Variants in JKAMP observed in about 807,000 individuals in gnomAD.
JKAMP encodes the protein JNK1/MAPK8-associated membrane protein.
Under a neutral mutation model 40.2 loss-of-function variants are expected in JKAMP, and 20 were observed. That is an observed-to-expected ratio of 0.50 (90% CI 0.35 to 0.72). The LOEUF is 0.72. JKAMP is among the 30% of genes least tolerant of loss of function. JKAMP has a pLI of 0.01. For missense variants in JKAMP, 276 were observed against 373.0 expected (o/e 0.74, Z 2.14); for synonymous variants, 138 against 131.6 (o/e 1.05, Z -0.33).
At position 59,505,349 on chromosome 14, in the gene JKAMP, T is replaced by C. The variant is rs1260956534; in HGVS notation, c.*1277T>C. ...ATAAAAAATAAATATAAAAATTTTA[T>C]TTGTATTGCACACATTTGGGGGGTT... On this transcript the variant is annotated 3_prime_UTR_variant, in exon 7 of 7. Coordinates refer to ENST00000616435, the MANE Select transcript of JKAMP (RefSeq NM_016475.5). The C allele has an allele frequency of 2.5e-6, 3 of 1,218,404 alleles. No homozygotes were observed. Among genetic ancestry groups the C allele is most frequent in the Non-Finnish European group, 3.4e-6 (3 of 887,166 alleles). 75.5% of individuals were successfully genotyped at this position (1,218,404 alleles called of 1,614,324 possible).
intron 1 of JKAMP, among the ~76,000 whole-genome samples, chr14:59,486,433 A>G (rs1261355676): frequency 6.6e-6 from 1 of 152,308 alleles, no homozygotes; most frequent in Admixed American, 6.5e-5. Flanking sequence ...TCCTCTAATC[A>G]TACCGGGTTA....
At chr14:59,489,683 T>C (rs1646702227) in intron 3 of JKAMP, among the ~76,000 whole-genome samples, 1 of 152,184 alleles carries the variant, frequency 6.6e-6, no homozygotes, top group African/African-American at 2.4e-5. Flanking sequence ...AAGGAATACC[T>C]GAGACTGGGT....
chr14:59,484,756 G>A (rs1594925762), intron 1 of JKAMP, 163 bp downstream of exon 1: 19 of 1,008,182 alleles, frequency 1.9e-5, no homozygotes, highest in South Asian at 3.1e-5. Flanking sequence ...CTCCTGCGGG[G>A]TTGGGGTGGT....
At chr14:59,502,755 T>TGTTTTTTTTTTTTTGTTTTTGTGTTTTG (rs67189643) in intron 6 of JKAMP, among the ~76,000 whole-genome samples, 2 of 122,918 alleles carry the variant, frequency 1.6e-5, no homozygotes, top group African/African-American at 3.0e-5. Flanking sequence ...ATGAGATTTT[T>TGTTTTTTTTTTTTTGTTTTTGTGTTTTG]TTTTTTTTTT....
At chr14:59,502,762 T>TGTTTTGTTTTTTTG (rs1566583989) in intron 6 of JKAMP, among the ~76,000 whole-genome samples, 4 of 133,616 alleles carry the variant, frequency 3.0e-5, no homozygotes, top group African/African-American at 5.7e-5. Flanking sequence ...TTTTTTTTTT[T>TGTTTTGTTTTTTTG]TTTTTTTTTT....
chr14:59,502,508 C>T (rs1258707219), intron 6 of JKAMP, among the ~76,000 whole-genome samples: 2 of 152,076 alleles, frequency 1.3e-5, no homozygotes, highest in Non-Finnish European at 2.9e-5. Context: ...GGGAAAACAT[C>T]TAGGAATCAT....
At chr14:59,494,233 G>C (rs959697702) in intron 3 of JKAMP, among the ~76,000 whole-genome samples, 2 of 151,084 alleles carry the variant, frequency 1.3e-5, no homozygotes, top group African/African-American at 2.5e-5. Context: ...TTAAAATTTA[G>C]AACATGTTTA....
In JKAMP at chr14:59,490,003, A is replaced by G. The variant is rs1252317139; in HGVS notation, c.251+2175A>G. On this transcript the variant is annotated intron_variant, in intron 3 of 6. Transcript: ENST00000616435. ...AGTGGTGTGATCACTGGTTACTGCA[A>G]CCTTGACTTCCTAGGCTCAAGTGAT... is the stretch of plus-strand genomic sequence containing the variant. 5.3e-5 allele frequency among the ~76,000 whole-genome samples: 8 copies of G among 152,236 alleles called. 1 individual carries two copies. The South Asian group carries it at 1.0e-3, about 20-fold the overall frequency.
intron 1 of JKAMP, chr14:59,485,331 A>T: frequency 4.7e-5 from 21 of 442,458 alleles, no homozygotes; most frequent in Admixed American, 1.3e-4. Context: ...TGTGATTACA[A>T]TTGGTTACAA....
At chr14:59,503,275 C>T (rs566603820) in intron 6 of JKAMP, among the ~76,000 whole-genome samples, 186 of 152,208 alleles carry the variant, frequency 1.2e-3, no homozygotes, top group Middle Eastern at 3.4e-3. Context: ...TTGCAAATTA[C>T]GTTTTAATGT....
At position 59,504,076 on chromosome 14, in the gene JKAMP, T is replaced by C. The variant is rs1309969083; in HGVS notation, c.*4T>C. The C allele has an allele frequency of 6.3e-7, 1 of 1,595,564 alleles. No homozygotes were observed. Among genetic ancestry groups the C allele is most frequent in the African/African-American group, 1.3e-5 (1 of 74,562 alleles). On this transcript the variant is annotated 3_prime_UTR_variant, in exon 7 of 7. Coordinates refer to ENST00000616435, the MANE Select transcript of JKAMP (RefSeq NM_016475.5). ...AGAAGGAGCCAATGGACACTGAGTG[T>C]AGACATGTGAAATGCCAAAAACCTG...
intron 4 of JKAMP, among the ~76,000 whole-genome samples, chr14:59,496,828 T>G (rs1208673205): frequency 6.6e-6 from 1 of 152,226 alleles, no homozygotes. Context: ...CTGCCTTGTT[T>G]TATTATTATA....
chr14:59,505,030 A>T lies in JKAMP; in HGVS notation c.*958A>T. The T allele has an allele frequency of 1.1e-5, 4 of 362,328 alleles. No individual in the cohort carries two copies. The highest frequency in any genetic ancestry group is 2.0e-5 in the Non-Finnish European group (4 of 200,384). The allele number at this position is 362,328 out of a possible 1,614,324, so 22.4% of individuals were successfully genotyped here. A position where few individuals can be genotyped will look rare whatever the true frequency, so the allele number is the denominator to read the frequency against. On this transcript the variant is annotated 3_prime_UTR_variant, in exon 7 of 7. Transcript: ENST00000616435. ...GTTGCAACCATGGAAGCAAAATGAA[A>T]TTTTTAGCTCTTAACCTAACAACCT...
intron 3 of JKAMP, among the ~76,000 whole-genome samples, chr14:59,492,292 A>G (rs1281570563): frequency 6.6e-6 from 1 of 152,144 alleles, no homozygotes; most frequent in African/African-American, 2.4e-5. Flanking sequence ...AGTTGAAGAT[A>G]GAATTAGTGA....
chr14:59,502,295 A>T (rs1307590297), intron 6 of JKAMP, among the ~76,000 whole-genome samples: 1 of 152,232 alleles, frequency 6.6e-6, no homozygotes, highest in Non-Finnish European at 1.5e-5. Flanking sequence ...AAGCAGAAGT[A>T]TAAAGTGTCT....
At chr14:59,502,766 T>C (rs12889139) in intron 6 of JKAMP, among the ~76,000 whole-genome samples, 1 of 2,824 alleles carries the variant, frequency 3.5e-4, no homozygotes, top group Non-Finnish European at 3.7e-3. Flanking sequence ...TTTTTTTTTT[T>C]TTTTTTTCGG....
In JKAMP at chr14:59,496,996, A is replaced by G. The variant is rs914915370; in HGVS notation, c.459-1731A>G. 4.3e-5 allele frequency among the ~76,000 whole-genome samples: 6 copies of G among 138,220 alleles called. No individual in the cohort carries two copies. In the East Asian group the frequency reaches 1.2e-3, roughly 29 times the overall value. The allele number at this position is 138,220 out of a possible 152,430, so 90.7% of individuals were successfully genotyped here. A position where few individuals can be genotyped will look rare whatever the true frequency, so the allele number is the denominator to read the frequency against. On this transcript the variant is annotated intron_variant, in intron 4 of 6. Transcript: ENST00000616435. ...TGTAGGGCTACCACAAGTCATAGTAATTTTTTTTTTTTTTTTTTGCAAGTC... is the reference window on the plus strand; with the variant it reads ...TGTAGGGCTACCACAAGTCATAGTAGTTTTTTTTTTTTTTTTTTGCAAGTC...
At chr14:59,494,257 C>T in intron 3 of JKAMP, among the ~76,000 whole-genome samples, 1 of 151,888 alleles carries the variant, frequency 6.6e-6, no homozygotes, top group Admixed American at 6.6e-5. Context: ...AAAGGCTTCA[C>T]AAAGAAAGTG....
intron 5 of JKAMP, among the ~76,000 whole-genome samples, chr14:59,499,702 G>A (rs941798197): frequency 2.8e-5 from 4 of 140,560 alleles, no homozygotes; most frequent in Non-Finnish European, 6.6e-5. Context: ...AATGTAATTT[G>A]GTAATATAGT....
Sources: allele counts gnomAD v4.1 joint callset (sites outside exome capture counted in the v4.1 genomes callset), GRCh38; gene constraint gnomAD v4.1.1; transcripts MANE v1.5; gene names NCBI Gene and HGNC (gene_info 2026-07-23, HGNC 2026-07-21).